Variants in OCA2 observed in about 807,000 individuals in gnomAD.
OCA2 encodes P protein.
Under a neutral mutation model 100.2 loss-of-function variants are expected in OCA2, and 77 were observed. The ratio of observed to expected loss-of-function variants is 0.77; its 90% CI spans 0.64 to 0.93. The LOEUF (loss-of-function observed/expected upper bound fraction) is 0.93, where lower values mean the gene tolerates loss of function less well. OCA2 is among the 40% of genes least tolerant of loss of function. The pLI is 0.00. For missense variants in OCA2, 1,062 were observed against 1,089.1 expected, an observed-to-expected ratio of 0.98 and a Z score of 0.35; for synonymous variants, 432 against 439.2, an observed-to-expected ratio of 0.98 and a Z score of 0.21.
chr15:28,056,502 T>C (rs1022428192), intron 2 of OCA2, among the ~76,000 whole-genome samples: 50 of 152,340 alleles, frequency 3.3e-4, no homozygotes, highest in African/African-American at 1.0e-3. Flanking sequence ...GGGAAAACGG[T>C]TGCCCTCCCT....
chr15:28,042,601 C>A (rs1449387803), intron 2 of OCA2, among the ~76,000 whole-genome samples: 1 of 151,838 alleles, frequency 6.6e-6, no homozygotes, highest in Admixed American at 6.6e-5. Flanking sequence ...GATTGCACCA[C>A]CGCACTCCAG....
At chr15:28,027,346 A>G (rs566998019) in intron 4 of OCA2, among the ~76,000 whole-genome samples, 109 of 152,168 alleles carry the variant, frequency 7.2e-4, no homozygotes, top group African/African-American at 2.5e-3. Context: ...TTCCCCAAGC[A>G]TGGCTCTGTG....
chr15:27,890,253 G>A (rs993619737), intron 19 of OCA2, among the ~76,000 whole-genome samples: 8 of 152,058 alleles, frequency 5.3e-5, no homozygotes, highest in Non-Finnish European at 1.0e-4. Context: ...AGTACTAGAA[G>A]GATAAAAGAA....
At chr15:28,032,259 TCA>T in intron 2 of OCA2, 96 bp from the exon 3 acceptor site, 1 of 968,002 alleles carries the variant, frequency 1.0e-6, no homozygotes, top group Non-Finnish European at 1.7e-6. Flanking sequence ...TGCCCAAGAT[TCA>T]GTGATAAATC....
At chr15:27,979,965 C>T (rs1478810088) in intron 14 of OCA2, among the ~76,000 whole-genome samples, 4 of 151,284 alleles carry the variant, frequency 2.6e-5, no homozygotes, top group African/African-American at 7.3e-5. Context: ...CCACCCGCCT[C>T]AGCCTCCCAA....
At chr15:27,790,654 C>A (rs2033036976) in intron 23 of OCA2, among the ~76,000 whole-genome samples, 1 of 152,146 alleles carries the variant, frequency 6.6e-6, no homozygotes, top group Non-Finnish European at 1.5e-5. Flanking sequence ...CAGAAAAGTT[C>A]TGGGTGTGAT....
At chr15:27,816,576 C>T (rs895310023) in intron 23 of OCA2, among the ~76,000 whole-genome samples, 3 of 152,094 alleles carry the variant, frequency 2.0e-5, no homozygotes, top group Non-Finnish European at 2.9e-5. Context: ...AATAAAGCTG[C>T]GTGACTTCGC....
intron 1 of OCA2, among the ~76,000 whole-genome samples, chr15:28,097,571 C>G (rs2045009576): frequency 6.6e-6 from 1 of 152,174 alleles, no homozygotes; most frequent in African/African-American, 2.4e-5. Context: ...TTAAAAGCCT[C>G]CCCTTTCTCT....
the OCA2 span, among the ~76,000 whole-genome samples, chr15:27,737,317 T>A: frequency 3.3e-5 from 5 of 152,192 alleles, no homozygotes; most frequent in African/African-American, 1.2e-4. Context: ...TCAAAATATA[T>A]TTATTTATGA....
At chr15:27,911,278 G>A (rs939539595) in intron 19 of OCA2, among the ~76,000 whole-genome samples, 1 of 152,032 alleles carries the variant, frequency 6.6e-6, no homozygotes, top group Non-Finnish European at 1.5e-5. Context: ...AAATTAGCCA[G>A]GTGTGGTGGT....
intron 2 of OCA2, among the ~76,000 whole-genome samples, chr15:28,070,296 G>C (rs1320687372): frequency 7.1e-6 from 1 of 141,766 alleles, no homozygotes; most frequent in Non-Finnish European, 1.5e-5. Flanking sequence ...CAGCCACCCC[G>C]TCCGGGAGGG....
intron 9 of OCA2, among the ~76,000 whole-genome samples, chr15:28,000,625 A>C (rs1302618584): frequency 6.6e-6 from 1 of 152,210 alleles, no homozygotes; most frequent in East Asian, 1.9e-4. Context: ...AACCATATCA[A>C]ATTAAAAAGC....
chr15:28,081,583 G>C, intron 2 of OCA2, 65 bp downstream of exon 2: 1 of 1,487,148 alleles, frequency 6.7e-7, no homozygotes, highest in Non-Finnish European at 9.3e-7. Flanking sequence ...GTGGGGGAAC[G>C]ATGCTCATGG....
chr15:27,771,354 G>A (rs1391869994), intron 23 of OCA2, among the ~76,000 whole-genome samples: 2 of 150,950 alleles, frequency 1.3e-5, no homozygotes, highest in African/African-American at 2.4e-5. Flanking sequence ...GACGGGCCCT[G>A]CCTGCGAGAG....
chr15:28,029,812 A>G (rs1209104647), intron 3 of OCA2, among the ~76,000 whole-genome samples: 1 of 152,246 alleles, frequency 6.6e-6, no homozygotes, highest in African/African-American at 2.4e-5. Flanking sequence ...AAAGTAAAGC[A>G]TGAAAAAGAC....
chr15:28,009,232 A>G (rs2042170167), intron 9 of OCA2, among the ~76,000 whole-genome samples: 1 of 152,220 alleles, frequency 6.6e-6, no homozygotes, highest in Non-Finnish European at 1.5e-5. Flanking sequence ...TTACAGACAC[A>G]ACAAAAGGTC....
intron 2 of OCA2, among the ~76,000 whole-genome samples, chr15:28,078,549 G>A (rs1158874024): frequency 6.6e-6 from 1 of 152,226 alleles, no homozygotes; most frequent in Non-Finnish European, 1.5e-5. Flanking sequence ...CAGCTGGCAA[G>A]GAACTGAGGC....
intron 1 of OCA2, among the ~76,000 whole-genome samples, chr15:28,089,057 C>A (rs1244676654): frequency 1.3e-5 from 2 of 152,200 alleles, no homozygotes; most frequent in Non-Finnish European, 1.5e-5. Context: ...CATTCTCTTT[C>A]TCAGGGATGT....
At chr15:27,864,828 G>A (rs1478351094) in intron 21 of OCA2, among the ~76,000 whole-genome samples, 2 of 152,150 alleles carry the variant, frequency 1.3e-5, no homozygotes, top group East Asian at 3.9e-4. Context: ...AAGACTGTCA[G>A]GGAATTCTCA....
Sources: gnomAD v4.1 joint callset for allele counts (sites outside exome capture counted in the v4.1 genomes callset) on GRCh38, gnomAD v4.1.1 for gene constraint, MANE v1.5 for transcripts, NCBI Gene and HGNC (gene_info 2026-07-23, HGNC 2026-07-21) for gene names.